Variants in VPS39 observed in about 807,000 individuals in gnomAD.
VPS39 encodes the protein VPS39 subunit of HOPS complex.
VPS39 carries 70 observed loss-of-function variants against 121.0 expected under a neutral mutation model. That is an observed-to-expected ratio of 0.58 (90% CI 0.48 to 0.71). VPS39 has a LOEUF of 0.71. Ranked by LOEUF, VPS39 falls within the 30% of genes least tolerant of loss-of-function variation. The pLI, the probability that VPS39 is intolerant of heterozygous loss-of-function variation, is 0.00. For missense variants in VPS39, 818 were observed against 1,051.5 expected (o/e 0.78, Z 3.07); for synonymous variants, 378 against 398.1 (o/e 0.95, Z 0.60).
intron 10 of VPS39, among the ~76,000 whole-genome samples, chr15:42,177,542 T>C (rs2049480433): frequency 6.6e-6 from 1 of 152,242 alleles, no homozygotes; most frequent in South Asian, 2.1e-4. Flanking sequence ...TGAGGGGTCC[T>C]CTAGTTGTTG....
chr15:42,160,384 T>C lies in VPS39; in HGVS notation c.*370A>G, dbSNP rs889343146. On this transcript the variant is annotated 3_prime_UTR_variant, in exon 25 of 25. Transcript: ENST00000318006. ...GCTGAGCGGTCCTTGTGAAGTCATG[T>C]ACTTAATAGAAAAGCCCTTGATGAA... 1.2e-5 allele frequency: 3 copies of C among 260,610 alleles called. No homozygotes were observed. Among genetic ancestry groups the C allele is most frequent in the African/African-American group, 2.2e-5 (1 of 46,138 alleles). 16.1% of individuals were successfully genotyped at this position (260,610 alleles called of 1,614,324 possible). A position where few individuals can be genotyped will look rare whatever the true frequency, so the allele number is the denominator to read the frequency against.
intron 8 of VPS39, chr15:42,178,868 G>A (rs2049514685): frequency 9.7e-6 from 3 of 308,494 alleles, no homozygotes; most frequent in Non-Finnish European, 1.9e-5. Context: ...TTAGTCAGGT[G>A]TGGTGGTGCA....
At chr15:42,163,806 G>T in intron 19 of VPS39, 78 bp from the exon 20 acceptor site, 1 of 973,632 alleles carries the variant, frequency 1.0e-6, no homozygotes, top group Non-Finnish European at 1.5e-6. Flanking sequence ...TCAGAGGAGT[G>T]GACACGAGGC....
intron 24 of VPS39, 114 bp from the exon 25 acceptor site, chr15:42,160,943 C>CT: frequency 9.7e-7 from 1 of 1,029,884 alleles, no homozygotes; most frequent in Non-Finnish European, 1.5e-6. Context: ...CAAAAGCAGC[C>CT]CACCCAAACC....
Position 42,167,131 on chromosome 15 carries a change from A to G in VPS39, c.1378-218T>C, listed in dbSNP as rs2292285. Among the ~76,000 whole-genome samples, 487 of 152,346 alleles carry G rather than the reference A, an allele frequency of 3.2e-3. 22 individuals are homozygous for G. In the East Asian group the frequency reaches 0.086, roughly 27 times the overall value. ...GTGGGGGAGAACATTTCTTGAAGGA[A>G]ATACTGTCCCAGCTGACTTTGTAGC... On this transcript the variant is annotated intron_variant, in intron 13 of 24. Transcript: ENST00000318006.
At chr15:42,192,000 A>T in intron 2 of VPS39, 1 of 1,489,722 alleles carries the variant, frequency 6.7e-7, no homozygotes, top group South Asian at 1.2e-5. Flanking sequence ...GTTCTGTATC[A>T]CGGAGACAGA....
intron 12 of VPS39, among the ~76,000 whole-genome samples, chr15:42,169,259 C>T (rs905980469): frequency 4.6e-5 from 7 of 152,116 alleles, no homozygotes; most frequent in African/African-American, 1.7e-4. Context: ...CATAGATATA[C>T]AAGTCTAGAA....
intron 1 of VPS39, among the ~76,000 whole-genome samples, chr15:42,201,358 T>G (rs1214805083): frequency 6.6e-6 from 1 of 152,064 alleles, no homozygotes; most frequent in Non-Finnish European, 1.5e-5. Context: ...AAAAAATGTT[T>G]ATAGAGATGA....
intron 7 of VPS39, among the ~76,000 whole-genome samples, chr15:42,186,034 A>C (rs2049693653): frequency 6.6e-6 from 1 of 152,160 alleles, no homozygotes; most frequent in African/African-American, 2.4e-5. Context: ...CTGTAGGCCT[A>C]CTTGCTATTG....
intron 8 of VPS39, among the ~76,000 whole-genome samples, chr15:42,183,413 CT>C (rs2049630186): frequency 6.6e-6 from 1 of 152,018 alleles, no homozygotes; most frequent in African/African-American, 2.4e-5. Flanking sequence ...GAACATGATG[CT>C]TTTATCAAGA....
At chr15:42,184,816 TA>T in intron 7 of VPS39, 116 bp from the exon 8 acceptor site, 1 of 987,542 alleles carries the variant, frequency 1.0e-6, no homozygotes, top group Non-Finnish European at 1.5e-6. Flanking sequence ...TTGTTTGACA[TA>T]AGAAAATGTT....
intron 2 of VPS39, among the ~76,000 whole-genome samples, chr15:42,194,333 G>A (rs1188904483): frequency 1.3e-5 from 2 of 151,962 alleles, no homozygotes; most frequent in African/African-American, 2.4e-5. Context: ...AATTAGCCAG[G>A]CATGGTGGTG....
At chr15:42,207,505 G>A (rs2050198870) in intron 1 of VPS39, among the ~76,000 whole-genome samples, 1 of 152,166 alleles carries the variant, frequency 6.6e-6, no homozygotes, top group Non-Finnish European at 1.5e-5. Context: ...TCCGCCTACA[G>A]TTAGGTAACT....
Position 42,158,860 on chromosome 15 carries a change from G to A in VPS39, c.*1894C>T, listed in dbSNP as rs1380962246. ...ATGGAGCTTGGGAGCATGGGATCATGTATGTATACCAGGAAAGAAAACACA... is the reference window on the plus strand; with the variant it reads ...ATGGAGCTTGGGAGCATGGGATCATATATGTATACCAGGAAAGAAAACACA... On this transcript the variant is annotated 3_prime_UTR_variant, in exon 25 of 25. Transcript: ENST00000318006. 2 of 152,266 alleles carry A rather than the reference G, an allele frequency of 1.3e-5. No individual in the cohort carries two copies. The highest frequency in any genetic ancestry group is 2.9e-5 in the Non-Finnish European group (2 of 68,062). The allele number at this position is 152,266 out of a possible 1,614,324, so 9.4% of individuals were successfully genotyped here.
chr15:42,161,831 G>A (rs2049133524), intron 23 of VPS39, 58 bp from the exon 24 acceptor site: 5 of 1,599,792 alleles, frequency 3.1e-6, no homozygotes, highest in African/African-American at 2.7e-5. Context: ...AGAAACAGGA[G>A]GCAGAGGCCA....
intron 10 of VPS39, among the ~76,000 whole-genome samples, chr15:42,175,316 G>A (rs1174469833): frequency 6.6e-6 from 1 of 151,876 alleles, no homozygotes; most frequent in Non-Finnish European, 1.5e-5. Flanking sequence ...GCCGAGGCAG[G>A]GGAATTGCTT....
chr15:42,181,692 G>T lies in VPS39; in HGVS notation c.718+2825C>A, dbSNP rs567440997. Among the ~76,000 whole-genome samples, 113 of 151,508 alleles carry T rather than the reference G, an allele frequency of 7.5e-4. 1 individual carries two copies. The Middle Eastern group carries it at 0.017, about 23-fold the overall frequency. Reference sequence around the variant, plus strand: ...AATAATTTCTTAGTGTGTCTAATTTGCTAATATTTCTAATTATCCTTTTTT... The same window carrying T: ...AATAATTTCTTAGTGTGTCTAATTTTCTAATATTTCTAATTATCCTTTTTT... On this transcript the variant is annotated intron_variant, in intron 8 of 24. Transcript: ENST00000318006.
At chr15:42,174,449 GAGGACACTA>G (rs2049408532) in intron 10 of VPS39, among the ~76,000 whole-genome samples, 1 of 152,172 alleles carries the variant, frequency 6.6e-6, no homozygotes, top group African/African-American at 2.4e-5. Flanking sequence ...TCACAGACCA[GAGGACACTA>G]AGGACACATG....
In VPS39 at chr15:42,164,351, C is replaced by T; in HGVS notation, c.2026+7G>A. 1.9e-6 allele frequency: 3 copies of T among 1,614,028 alleles called. No individual in the cohort carries two copies. The highest frequency in any genetic ancestry group is 1.7e-4 in the Middle Eastern group (1 of 6,058). On this transcript the variant is annotated splice_region_variant and intron_variant, in intron 19 of 24. Coordinates refer to ENST00000318006, the MANE Select transcript of VPS39 (RefSeq NM_015289.5). ...AAGTGGCTTCTGGCCCTAAGCCAGA[C>T]ACTCACCATCAAAGGGAAAATCACA...
Sources: gnomAD v4.1 joint callset for allele counts (sites outside exome capture counted in the v4.1 genomes callset) on GRCh38, gnomAD v4.1.1 for gene constraint, MANE v1.5 for transcripts, NCBI Gene and HGNC (gene_info 2026-07-23, HGNC 2026-07-21) for gene names.